Variants in COL27A1 observed in about 807,000 individuals in gnomAD.
The protein encoded by COL27A1 is collagen type XXVII alpha 1 chain.
A neutral mutation model predicts 251.3 loss-of-function variants in COL27A1; 106 were observed. That is an observed-to-expected ratio of 0.42 (90% CI 0.36 to 0.50). The LOEUF (loss-of-function observed/expected upper bound fraction) is 0.50, where lower values mean the gene tolerates loss of function less well. Ranked by LOEUF, COL27A1 falls within the 20% of genes least tolerant of loss-of-function variation. The pLI is 0.00. For missense variants in COL27A1, 2,325 were observed against 2,522.8 expected (o/e 0.92, Z 1.68); for synonymous variants, 1,000 against 986.3 (o/e 1.01, Z -0.26).
chr9:114,235,873 TTCTC>T (rs1208397195), intron 17 of COL27A1, among the ~76,000 whole-genome samples: 1 of 152,022 alleles, frequency 6.6e-6, no homozygotes, highest in African/African-American at 2.4e-5. Flanking sequence ...GCCTCTTGCT[TTCTC>T]TCTTTCTTCT....
chr9:114,293,550 C>CAAA (rs113550290), intron 49 of COL27A1, among the ~76,000 whole-genome samples: 134 of 131,846 alleles, frequency 1.0e-3, no homozygotes, highest in African/African-American at 3.4e-3. Context: ...AAAAATAAAC[C>CAAA]AAAAAAAAAA....
chr9:114,246,005 G>T, intron 24 of COL27A1, 95 bp downstream of exon 24: 1 of 1,088,574 alleles, frequency 9.2e-7, no homozygotes, highest in Non-Finnish European at 1.4e-6. Flanking sequence ...GCACCACCTC[G>T]TGTAATTCTC....
intron 44 of COL27A1, 87 bp from the exon 45 acceptor site, chr9:114,289,146 ACCCCTCCCC>A: frequency 3.5e-6 from 4 of 1,126,982 alleles, no homozygotes; most frequent in Non-Finnish European, 3.8e-6. Flanking sequence ...GCACCCCCAA[ACCCCTCCCC>A]ACCCCTCCCC....
At chr9:114,253,910 A>G (rs1051193135) in intron 27 of COL27A1, among the ~76,000 whole-genome samples, 9 of 152,124 alleles carry the variant, frequency 5.9e-5, no homozygotes, top group African/African-American at 2.2e-4. Flanking sequence ...AAGGGGCCCA[A>G]TCTCCACTCA....
chr9:114,292,224 A>G lies in COL27A1; in HGVS notation c.4584+14A>G. 6.5e-7 allele frequency: 1 copy of G among 1,543,310 alleles called. No individual in the cohort carries two copies. The highest frequency in any genetic ancestry group is 8.8e-7 in the Non-Finnish European group (1 of 1,140,280). On this transcript the variant is annotated intron_variant, in intron 49 of 60. Coordinates refer to ENST00000356083, the MANE Select transcript of COL27A1 (RefSeq NM_032888.4). The stretch of plus-strand genomic sequence containing the variant: ...AAAGGCCAGCCGGTGAGTGAGCGCC[A>G]AAGAATACACATGCCCACGCACTCA...
intron 21 of COL27A1, among the ~76,000 whole-genome samples, chr9:114,241,937 A>G (rs1022332523): frequency 5.3e-5 from 8 of 152,184 alleles, no homozygotes; most frequent in Admixed American, 3.3e-4. Flanking sequence ...TTTAACTCTC[A>G]TGCCCAGGGC....
At chr9:114,223,204 C>T (rs570933997) in intron 14 of COL27A1, among the ~76,000 whole-genome samples, 2 of 152,276 alleles carry the variant, frequency 1.3e-5, no homozygotes, top group South Asian at 4.1e-4. Flanking sequence ...TCTGATGCCC[C>T]CTCCGCCCTG....
At chr9:114,158,041 G>T (rs1031529525) in intron 1 of COL27A1, among the ~76,000 whole-genome samples, 5 of 152,220 alleles carry the variant, frequency 3.3e-5, no homozygotes, top group Non-Finnish European at 7.3e-5. Flanking sequence ...ACCTGTCTGT[G>T]TTCCCATGGA....
chr9:114,236,918 G>A, intron 17 of COL27A1, 63 bp from the exon 18 acceptor site: 1 of 1,495,488 alleles, frequency 6.7e-7, no homozygotes, highest in Admixed American at 1.7e-5. Context: ...GGAGGACTGG[G>A]CGGCTGTTCA....
chr9:114,196,754 C>T (rs929551592), intron 7 of COL27A1, among the ~76,000 whole-genome samples: 3 of 152,264 alleles, frequency 2.0e-5, no homozygotes, highest in East Asian at 3.9e-4. Flanking sequence ...CCTGTCCAAA[C>T]GCCTGTGTGA....
Position 114,310,951 on chromosome 9 carries a change from G to C in COL27A1, c.*256G>C, listed in dbSNP as rs1829403655. On this transcript the variant is annotated 3_prime_UTR_variant, in exon 61 of 61. Transcript: ENST00000356083. ...CCAGAGTAAGCTGGACCTGCAACCT[G>C]CCTGAGCCCCGTGGCCTCTCAGCTC... 2 of 407,874 alleles carry C rather than the reference G, an allele frequency of 4.9e-6. No individual in the cohort carries two copies. The highest frequency in any genetic ancestry group is 8.9e-6 in the Non-Finnish European group (2 of 225,456). The allele number at this position is 407,874 out of a possible 1,614,324, so 25.3% of individuals were successfully genotyped here. A position where few individuals can be genotyped will look rare whatever the true frequency, so the allele number is the denominator to read the frequency against.
chr9:114,194,725 C>T (rs547933820), intron 6 of COL27A1, among the ~76,000 whole-genome samples: 226 of 152,344 alleles, frequency 1.5e-3, no homozygotes, highest in African/African-American at 5.2e-3. Context: ...TATGGACACA[C>T]GCTTGGTGAA....
Position 114,167,749 on chromosome 9 carries a change from C to T in COL27A1, c.194C>T (p.Pro65Leu), listed in dbSNP as rs147354366. ...SWTKAGSPAPPGVIPFQSGFI... is the reference protein window; with the variant it reads ...SWTKAGSPAPLGVIPFQSGFI... ...ACGAAGGCCGGGAGCCCTGCACCCC[C>T]GGGAGTCATTCCTTTCCAGTCGGGC... The change falls in exon 3 of 61, where the codon CCG becomes CTG. Residue 65 changes from proline to leucine, a missense_variant. By Grantham distance (98) the Pro-to-Leu change is moderately conservative (BLOSUM62 -3). Coordinates refer to ENST00000356083, the MANE Select transcript of COL27A1 (RefSeq NM_032888.4). The T allele has an allele frequency of 2.5e-5, 40 of 1,613,858 alleles. No homozygotes were observed. Among genetic ancestry groups the T allele is most frequent in the African/African-American group, 1.6e-4 (12 of 75,066 alleles).
intron 31 of COL27A1, 49 bp downstream of exon 31, chr9:114,265,159 G>A: frequency 1.9e-6 from 1 of 531,314 alleles, no homozygotes; most frequent in Non-Finnish European, 3.6e-6. Flanking sequence ...TTTTGATGGG[G>A]GTGGGGGGCG....
In COL27A1 at chr9:114,168,494, G is replaced by C; in HGVS notation, c.939G>C (p.Ala313=). ...TSPTNPHQHM[A]VGGPAQTPLL... is the part of the protein sequence containing the mutation. ...CCACAAACCCTCACCAGCATATGGC[G>C]GTGGGAGGCCCAGCCCAAACCCCGC... Residue 313 remains alanine (A), a synonymous_variant, in exon 3 of 61, where the codon GCG becomes GCC. Coordinates refer to ENST00000356083, the MANE Select transcript of COL27A1 (RefSeq NM_032888.4). 2 of 1,613,848 alleles carry C rather than the reference G, an allele frequency of 1.2e-6. No homozygotes were observed. The highest frequency in any genetic ancestry group is 1.7e-6 in the Non-Finnish European group (2 of 1,179,892).
intron 3 of COL27A1, among the ~76,000 whole-genome samples, chr9:114,171,223 T>C (rs1317384556): frequency 1.3e-5 from 2 of 152,204 alleles, no homozygotes; most frequent in African/African-American, 4.8e-5. Flanking sequence ...ACTTTCCTCA[T>C]TGGGCAGGTG....
intron 5 of COL27A1, among the ~76,000 whole-genome samples, chr9:114,188,159 G>A (rs978314592): frequency 3.3e-5 from 5 of 152,228 alleles, no homozygotes; most frequent in South Asian, 2.1e-4. Flanking sequence ...TGACAGTAAC[G>A]GTTCAGAGGC....
At position 114,156,827 on chromosome 9, in the gene COL27A1, C is replaced by T. The variant is rs182484270; in HGVS notation, c.62+815C>T. Among the ~76,000 whole-genome samples, 144 of 152,102 alleles carry T rather than the reference C, an allele frequency of 9.5e-4. 1 individual carries two copies. Among genetic ancestry groups the T allele is most frequent in the African/African-American group, 3.3e-3 (139 of 41,518 alleles). On this transcript the variant is annotated intron_variant, in intron 1 of 60. Coordinates refer to ENST00000356083, the MANE Select transcript of COL27A1 (RefSeq NM_032888.4). ...AGAGAGAGTGAGCCTGTGCTGGAGC[C>T]GGCGCAGCGTGTGGGTGTGTGTGGG...
intron 37 of COL27A1, among the ~76,000 whole-genome samples, chr9:114,280,446 ACC>A (rs1251848299): frequency 6.6e-6 from 1 of 152,108 alleles, no homozygotes; most frequent in Non-Finnish European, 1.5e-5. Context: ...CAAGTGATCC[ACC>A]CACCTCAGCC....
Sources: gnomAD v4.1 joint callset for allele counts (sites outside exome capture counted in the v4.1 genomes callset) on GRCh38, gnomAD v4.1.1 for gene constraint, MANE v1.5 for transcripts, NCBI Gene and HGNC (gene_info 2026-07-23, HGNC 2026-07-21) for gene names.